The following SEC23A variants were observed in gnomAD, a reference collection of about 807,000 sequenced individuals.
SEC23A encodes the protein SEC23 homolog A, COPII component.
In SEC23A, 56 loss-of-function variants were observed where a neutral mutation model predicts 103.7. That is an observed-to-expected ratio of 0.54 (90% confidence interval 0.44 to 0.67). The LOEUF is 0.67. Among genes scored for constraint, SEC23A ranks in the 30% least tolerant of loss-of-function variants. The pLI is 0.00. For synonymous variants in SEC23A, 281 were observed against 293.0 expected (o/e 0.96, Z 0.42); for missense variants, 784 against 936.4 (o/e 0.84, Z 2.12).
At chr14:39,063,193 T>C (rs1053603015) in intron 12 of SEC23A, 131 bp downstream of exon 12, 3 of 608,668 alleles carry the variant, frequency 4.9e-6, no homozygotes, top group East Asian at 2.9e-5. Flanking sequence ...CAAATATAAA[T>C]TCCAATACAG....
At chr14:39,039,227 T>G in intron 18 of SEC23A, 131 bp from the exon 19 acceptor site, 2 of 750,758 alleles carry the variant, frequency 2.7e-6, no homozygotes, top group Non-Finnish European at 4.4e-6. Flanking sequence ...AACTTAATTT[T>G]TAAAAGATTA....
At chr14:39,042,913 A>C in intron 16 of SEC23A, 41 bp from the exon 17 acceptor site, 1 of 1,199,680 alleles carries the variant, frequency 8.3e-7, no homozygotes, top group Non-Finnish European at 1.2e-6. Context: ...AAAAAGGAAA[A>C]ATAATCTACT....
chr14:39,058,008 G>A (rs2139217782), intron 13 of SEC23A, among the ~76,000 whole-genome samples: 1 of 152,264 alleles, frequency 6.6e-6, no homozygotes, highest in South Asian at 2.1e-4. Context: ...GGATTAATTT[G>A]ATACTACACA....
Position 39,098,012 on chromosome 14 carries a change from T to TG in SEC23A, c.-21-1874dup, listed in dbSNP as rs1017500958. ...GCTGAGGCAGGAGAATCGCTTGAAC[T>TG]GGGGGGGCAGAGGTTGTGGTGAGCT... On this transcript the variant is annotated intron_variant, in intron 1 of 19. Transcript: ENST00000307712. 2.0e-5 allele frequency among the ~76,000 whole-genome samples: 3 copies of TG among 150,846 alleles called. No homozygotes were observed. In the South Asian group the frequency reaches 6.3e-4, roughly 32 times the overall value.
At chr14:39,047,608 T>A (rs1885889334) in intron 15 of SEC23A, among the ~76,000 whole-genome samples, 1 of 152,094 alleles carries the variant, frequency 6.6e-6, no homozygotes, top group African/African-American at 2.4e-5. Context: ...ATATTAATCA[T>A]CCTTCCAAGT....
intron 9 of SEC23A, 69 bp downstream of exon 9, chr14:39,074,345 TA>T: frequency 5.1e-6 from 5 of 975,328 alleles, no homozygotes; most frequent in Non-Finnish European, 8.3e-6. Context: ...AAATGGTCAT[TA>T]TTGGTTTATA....
chr14:39,058,660 T>C (rs956822120), intron 13 of SEC23A, among the ~76,000 whole-genome samples: 4 of 152,220 alleles, frequency 2.6e-5, no homozygotes, highest in Admixed American at 6.5e-5. Flanking sequence ...ATTAAATGTT[T>C]CCCAGATGGT....
chr14:39,050,218 A>G (rs1388978270), intron 14 of SEC23A, among the ~76,000 whole-genome samples: 1 of 152,180 alleles, frequency 6.6e-6, no homozygotes, highest in African/African-American at 2.4e-5. Context: ...CCACTATTTG[A>G]GTTATTCAGA....
At chr14:39,054,794 A>T (rs1368019456) in intron 14 of SEC23A, among the ~76,000 whole-genome samples, 5 of 152,220 alleles carry the variant, frequency 3.3e-5, no homozygotes, top group Non-Finnish European at 7.3e-5. Flanking sequence ...GAAAGTAAAA[A>T]ACTAAAGCCA....
chr14:39,064,776 CT>C, intron 11 of SEC23A, 136 bp downstream of exon 11: 3 of 739,464 alleles, frequency 4.1e-6, no homozygotes, highest in Non-Finnish European at 7.4e-6. Context: ...AACAGGGTCT[CT>C]CTATGTTGCC....
intron 10 of SEC23A, among the ~76,000 whole-genome samples, 200 bp downstream of exon 10, chr14:39,066,973 C>G (rs1032554494): frequency 6.6e-6 from 1 of 152,154 alleles, no homozygotes; most frequent in African/African-American, 2.4e-5. Context: ...AACAATTGTT[C>G]AGAAATGCTC....
chr14:39,061,810 T>G lies in SEC23A; in HGVS notation c.1460A>C (p.His487Pro), dbSNP rs770112771. 2.5e-6 allele frequency: 4 copies of G among 1,613,984 alleles called. No homozygotes were observed. The South Asian group carries it at 3.3e-5, about 13-fold the overall frequency. The part of the protein sequence containing the change: ...GAIQFVTQYQ[H>P]SSGQRRIRVT... Reference sequence around the variant, plus strand: ...TCGGATGCGTCTCTGCCCACTTGAATGCTGATACTGAGTCACAAACTGGAT... The same window carrying G: ...TCGGATGCGTCTCTGCCCACTTGAAGGCTGATACTGAGTCACAAACTGGAT... Residue 487 changes from histidine to proline, a missense_variant, in exon 13 of 20, where the codon CAT becomes CCT. Physicochemically the swap from His to Pro is moderately conservative, Grantham distance 77. This residue lies in a region of SEC23A where 683 missense variants were observed against 774.2 expected (regional missense o/e 0.88). Transcript: ENST00000307712.
chr14:39,040,303 T>C (rs1160342329), intron 18 of SEC23A: 1 of 175,962 alleles, frequency 5.7e-6, no homozygotes, highest in Non-Finnish European at 1.2e-5. Flanking sequence ...ACATAAAATT[T>C]TATTTTCTAG....
chr14:39,102,279 C>T (rs1382373469), intron 1 of SEC23A, among the ~76,000 whole-genome samples: 1 of 152,038 alleles, frequency 6.6e-6, no homozygotes, highest in Non-Finnish European at 1.5e-5. Flanking sequence ...TCATTCACTA[C>T]CAGAGGAGAA....
intron 1 of SEC23A, among the ~76,000 whole-genome samples, chr14:39,096,355 A>AC: frequency 6.6e-6 from 1 of 151,876 alleles, no homozygotes; most frequent in East Asian, 1.9e-4. Context: ...ACACGAAGAA[A>AC]CCCCGTCTCT....
At position 39,073,606 on chromosome 14, in the gene SEC23A, T is replaced by G. The variant is rs1046487064; in HGVS notation, c.1103+809A>C. ...ACGGTGCCCGGCTCTGATTCCTCTT[T>G]TTTTTTTTTTTTTTTTTTTTTGAGA... On this transcript the variant is annotated intron_variant, in intron 9 of 19. Transcript: ENST00000307712. 5.9e-4 allele frequency among the ~76,000 whole-genome samples: 80 copies of G among 136,352 alleles called. 1 individual carries two copies. The highest frequency in any genetic ancestry group is 2.0e-3 in the African/African-American group (74 of 36,624). 89.5% of individuals were successfully genotyped at this position (136,352 alleles called of 152,430 possible). A position where few individuals can be genotyped will look rare whatever the true frequency, so the allele number is the denominator to read the frequency against.
At chr14:39,035,232 T>C (rs917560461) in intron 19 of SEC23A, among the ~76,000 whole-genome samples, 6 of 152,152 alleles carry the variant, frequency 3.9e-5, no homozygotes, top group African/African-American at 1.4e-4. Flanking sequence ...ACTAAAACAG[T>C]AGATTCAGTG....
chr14:39,066,611 T>A (rs1002339429), intron 10 of SEC23A, among the ~76,000 whole-genome samples: 7 of 152,116 alleles, frequency 4.6e-5, no homozygotes, highest in Admixed American at 1.3e-4. Flanking sequence ...ATGTCTGTAA[T>A]CTCAGCACTT....
intron 7 of SEC23A, among the ~76,000 whole-genome samples, chr14:39,082,241 T>C (rs1006154892): frequency 6.7e-6 from 1 of 148,884 alleles, no homozygotes; most frequent in African/African-American, 2.6e-5. Context: ...TGTATTTACA[T>C]ATATATATGT....
Sources: gnomAD v4.1 joint callset for allele counts (sites outside exome capture counted in the v4.1 genomes callset) on GRCh38, gnomAD v4.1.1 for gene constraint, gnomAD v4.1.1 regional missense constraint, MANE v1.5 for transcripts, NCBI Gene and HGNC (gene_info 2026-07-23, HGNC 2026-07-21) for gene names.